PBRM1: variants seen among roughly 807,000 people sequenced by gnomAD.
PBRM1 encodes the protein protein polybromo-1.
In PBRM1, 27 loss-of-function variants were observed where a neutral mutation model predicts 194.5. The ratio of observed to expected loss-of-function variants is 0.14; its 90% CI spans 0.10 to 0.19. The LOEUF is 0.19. PBRM1 is among the 10% of genes least tolerant of loss of function. The pLI is 1.00. For missense variants in PBRM1, 1,466 were observed against 2,077.2 expected (o/e 0.71, Z 5.72); for synonymous variants, 655 against 693.2 (o/e 0.94, Z 0.87).
At chr3:52,660,637 C>T (rs546358167) in intron 4 of PBRM1, among the ~76,000 whole-genome samples, 4 of 151,498 alleles carry the variant, frequency 2.6e-5, no homozygotes, top group South Asian at 2.1e-4. Context: ...CTCAGCCTCC[C>T]GAGTAGCAGG....
In PBRM1 at chr3:52,609,840, G is replaced by C. The variant is rs775744823; in HGVS notation, c.2040C>G (p.Leu680=). 2.9e-5 allele frequency: 46 copies of C among 1,613,446 alleles called. No individual in the cohort carries two copies. Among genetic ancestry groups the C allele is most frequent in the Non-Finnish European group, 3.5e-5 (41 of 1,179,792 alleles). Residue 680 remains leucine (L), a synonymous_variant, in exon 16 of 30, where the codon CTC becomes CTG. Transcript: ENST00000296302. The surrounding 1 kb of genome is among the most constrained non-coding windows in gnomAD (Gnocchi z 4.1). Reference sequence around the variant, plus strand: ...AGGGAAGCCTCAGAAATATGGCACTGAGGCGGCGACCCCTCTTATCAGTAT... The same window carrying C: ...AGGGAAGCCTCAGAAATATGGCACTCAGGCGGCGACCCCTCTTATCAGTAT...
In PBRM1 at chr3:52,637,773, C is replaced by CAAAA. The variant is rs755241328; in HGVS notation, c.1088-2962_1088-2959dup. On this transcript the variant is annotated intron_variant, in intron 10 of 29. Transcript: ENST00000296302. The stretch of plus-strand genomic sequence containing the variant: ...CAAAACCATGTCTCTACTAAAAATA[C>CAAAA]AAAAAAAAAAAAAAAAAAAAAAAAT... Among the ~76,000 whole-genome samples, 45 of 42,234 alleles carry CAAAA rather than the reference C, an allele frequency of 1.1e-3. 1 individual carries two copies. Among genetic ancestry groups the CAAAA allele is most frequent in the Admixed American group, 5.1e-3 (15 of 2,930 alleles). 27.7% of individuals were successfully genotyped at this position (42,234 alleles called of 152,430 possible). A position where few individuals can be genotyped will look rare whatever the true frequency, so the allele number is the denominator to read the frequency against.
chr3:52,666,832 T>C (rs1310608509), intron 3 of PBRM1, among the ~76,000 whole-genome samples: 1 of 139,544 alleles, frequency 7.2e-6, no homozygotes, highest in Non-Finnish European at 1.5e-5. Context: ...ACAAGGGCTG[T>C]AGTGAGCCAA....
intron 13 of PBRM1, among the ~76,000 whole-genome samples, chr3:52,625,178 C>T (rs930193926): frequency 3.9e-5 from 6 of 152,104 alleles, no homozygotes; most frequent in South Asian, 2.1e-4. Flanking sequence ...AAAAAAAAGG[C>T]GAAGGCAGAA....
intron 5 of PBRM1, among the ~76,000 whole-genome samples, chr3:52,657,668 C>G (rs1286842466): frequency 6.6e-6 from 1 of 152,110 alleles, no homozygotes; most frequent in Non-Finnish European, 1.5e-5. Flanking sequence ...TGGGTTTTCA[C>G]CACATTGGCC....
Position 52,640,040 on chromosome 3 carries a change from T to A in PBRM1, c.1087+1914A>T, listed in dbSNP as rs188991165. 4.0e-3 allele frequency among the ~76,000 whole-genome samples: 613 copies of A among 152,322 alleles called. 3 individuals carry two copies. The highest frequency in any genetic ancestry group is 0.023 in the South Asian group (110 of 4,828). On this transcript the variant is annotated intron_variant, in intron 10 of 29. Coordinates refer to ENST00000296302, the Ensembl canonical transcript of PBRM1. ...GTGTTTTGAATTTCTCTGTAAAGTTTCATCTGCTTGTTTTACATATTTTGA... is the reference window on the plus strand; with the variant it reads ...GTGTTTTGAATTTCTCTGTAAAGTTACATCTGCTTGTTTTACATATTTTGA...
chr3:52,583,096 CAAAAAAAA>C (rs1157790825), intron 20 of PBRM1, among the ~76,000 whole-genome samples: 22 of 62,026 alleles, frequency 3.5e-4, no homozygotes, highest in Middle Eastern at 0.021. Flanking sequence ...GACTCCATCT[CAAAAAAAA>C]AAAAAAAAAA....
intron 16 of PBRM1, among the ~76,000 whole-genome samples, chr3:52,606,999 T>C (rs2094382019): frequency 6.6e-6 from 1 of 152,080 alleles, no homozygotes; most frequent in African/African-American, 2.4e-5. Context: ...GTAGCAGTGG[T>C]GGGTAGGGGT....
intron 16 of PBRM1, among the ~76,000 whole-genome samples, chr3:52,608,296 G>A (rs968693523): frequency 6.6e-6 from 1 of 152,002 alleles, no homozygotes; most frequent in Non-Finnish European, 1.5e-5. Context: ...TAAGACTATG[G>A]GTAACTTTTC....
intron 13 of PBRM1, among the ~76,000 whole-genome samples, chr3:52,617,882 T>C (rs894523829): frequency 6.6e-6 from 1 of 152,230 alleles, no homozygotes; most frequent in African/African-American, 2.4e-5. Flanking sequence ...TGTTTAAAGA[T>C]GAGTACAGCC....
chr3:52,586,441 T>C (rs768209099), exon 20 of PBRM1: 4 of 1,612,056 alleles, frequency 2.5e-6, no homozygotes, highest in South Asian at 2.2e-5. Context: ...CAAGTTAAAA[T>C]TGTCTTCAGC....
chr3:52,638,236 G>C (rs2095903454), intron 10 of PBRM1, among the ~76,000 whole-genome samples: 1 of 152,100 alleles, frequency 6.6e-6, no homozygotes, highest in Admixed American at 6.6e-5. Context: ...TAGATTCACA[G>C]GTTATGTTAG....
upstream of PBRM1, among the ~76,000 whole-genome samples, chr3:52,680,909 A>G (rs977010249): frequency 6.6e-6 from 1 of 151,816 alleles, no homozygotes; most frequent in Non-Finnish European, 1.5e-5. Flanking sequence ...TCCGCCCGTC[A>G]AAGGCCTTTT....
downstream of PBRM1, chr3:52,547,220 T>C (rs924165658): frequency 4.7e-5 from 11 of 233,008 alleles, no homozygotes; most frequent in Admixed American, 5.6e-5. Flanking sequence ...TCATTATAAA[T>C]AGATCAAAAT....
intron 1 of PBRM1, 61 bp from the exon 3 acceptor site, chr3:52,678,658 A>C (rs149751272): frequency 1.4e-5 from 15 of 1,040,354 alleles, no homozygotes; most frequent in East Asian, 2.4e-5. Flanking sequence ...CAGTGTAGAC[A>C]TAAGAATTAT....
chr3:52,560,898 G>A (rs1034377301), intron 25 of PBRM1, among the ~76,000 whole-genome samples: 1 of 151,770 alleles, frequency 6.6e-6, no homozygotes, highest in African/African-American at 2.4e-5. Context: ...ATTAATGTTT[G>A]CCAGAAAATA....
At chr3:52,650,949 C>T (rs1248285951) in intron 6 of PBRM1, among the ~76,000 whole-genome samples, 1 of 152,098 alleles carries the variant, frequency 6.6e-6, no homozygotes, top group African/African-American at 2.4e-5. Flanking sequence ...TATTAAGCAC[C>T]TACTCTGTAC....
chr3:52,558,097 TG>T, intron 26 of PBRM1, among the ~76,000 whole-genome samples, 151 bp downstream of exon 28: 2 of 152,030 alleles, frequency 1.3e-5, no homozygotes, highest in East Asian at 3.9e-4. Context: ...ATTGCCCATA[TG>T]GGAAAGGCAA....
At chr3:52,683,184 C>G (rs2097239963), upstream of PBRM1, among the ~76,000 whole-genome samples, 1 of 149,530 alleles carries the variant, frequency 6.7e-6, no homozygotes, top group African/African-American at 2.5e-5. Flanking sequence ...CCCTGGACGT[C>G]AGAGCAAGAC....
Sources: gnomAD v4.1 joint callset for allele counts (sites outside exome capture counted in the v4.1 genomes callset) on GRCh38, gnomAD v4.1.1 for gene constraint, Gnocchi (gnomAD v3.1) non-coding constraint, MANE v1.5 for transcripts, NCBI Gene and HGNC (gene_info 2026-07-23, HGNC 2026-07-21) for gene names.